The following HLCS variants were observed in gnomAD, a reference collection of about 807,000 sequenced individuals.
The protein encoded by HLCS is biotin--protein ligase.
A neutral mutation model predicts 75.0 loss-of-function variants in HLCS; 53 were observed. That is an observed-to-expected ratio of 0.71 (90% CI 0.57 to 0.89). The LOEUF is 0.89. HLCS is among the 40% of genes least tolerant of loss of function. The probability of loss-of-function intolerance (pLI) is 0.00; values close to 1 mark genes in which losing one functional copy is unlikely to be tolerated. For synonymous variants in HLCS, 431 were observed against 428.6 expected (o/e 1.01, Z -0.07); for missense variants, 966 against 1,074.0 (o/e 0.90, Z 1.41).
At chr21:36,947,048 C>A (rs1448568072) in intron 2 of HLCS, among the ~76,000 whole-genome samples, 1 of 152,116 alleles carries the variant, frequency 6.6e-6, no homozygotes, top group African/African-American at 2.4e-5. Flanking sequence ...GGCAACCTCC[C>A]GCGGGAAGCT....
At chr21:36,831,349 A>G (rs1484677810) in intron 6 of HLCS, among the ~76,000 whole-genome samples, 1 of 152,178 alleles carries the variant, frequency 6.6e-6, no homozygotes, top group Non-Finnish European at 1.5e-5. Flanking sequence ...AGGGTAGCCA[A>G]AGGGAAGGAA....
intron 6 of HLCS, among the ~76,000 whole-genome samples, chr21:36,875,488 A>G (rs1027874461): frequency 1.3e-5 from 2 of 152,168 alleles, no homozygotes; most frequent in African/African-American, 4.8e-5. Context: ...CTGTCTGCAG[A>G]AAGGAGCTAC....
At chr21:36,794,430 G>A (rs2060965032) in intron 6 of HLCS, among the ~76,000 whole-genome samples, 1 of 152,246 alleles carries the variant, frequency 6.6e-6, no homozygotes, top group African/African-American at 2.4e-5. Context: ...ACATGTGACA[G>A]AGGACTATTC....
At chr21:36,894,707 C>T (rs1178303420) in intron 6 of HLCS, among the ~76,000 whole-genome samples, 3 of 152,184 alleles carry the variant, frequency 2.0e-5, no homozygotes, top group Non-Finnish European at 1.5e-5. Context: ...CCTAAACACC[C>T]TCAGAAAGGC....
At chr21:36,776,100 C>A (rs114543309) in intron 6 of HLCS, among the ~76,000 whole-genome samples, 2,349 of 152,278 alleles carry the variant, frequency 0.015, 63 homozygotes, top group African/African-American at 0.053. Context: ...GTTGTAAGGT[C>A]TATAATACTT....
intron 6 of HLCS, among the ~76,000 whole-genome samples, chr21:36,823,315 C>T (rs2061902166): frequency 1.3e-5 from 2 of 152,168 alleles, no homozygotes; most frequent in African/African-American, 4.8e-5. Context: ...GAATTACTCG[C>T]AGTTTGCCGA....
intron 6 of HLCS, among the ~76,000 whole-genome samples, chr21:36,886,149 T>C (rs1172029371): frequency 2.0e-5 from 3 of 151,878 alleles, no homozygotes; most frequent in Admixed American, 2.0e-4. Flanking sequence ...TAGGTGCTGT[T>C]GGCCAGGCAC....
chr21:36,916,448 C>A (rs1327762525), intron 5 of HLCS, among the ~76,000 whole-genome samples: 1 of 151,420 alleles, frequency 6.6e-6, no homozygotes, highest in Non-Finnish European at 1.5e-5. Context: ...AACTCCCGGG[C>A]TCAAGAGAAC....
At chr21:36,840,150 A>G (rs1651838669) in intron 6 of HLCS, among the ~76,000 whole-genome samples, 1 of 152,246 alleles carries the variant, frequency 6.6e-6, no homozygotes, top group Non-Finnish European at 1.5e-5. Flanking sequence ...TTATCCTAGT[A>G]GAAGCTTTAT....
intron 6 of HLCS, among the ~76,000 whole-genome samples, chr21:36,860,728 A>G (rs1473689795): frequency 6.6e-6 from 1 of 152,256 alleles, no homozygotes; most frequent in Non-Finnish European, 1.5e-5. Context: ...TCTAGTTTAG[A>G]CACGGCACAT....
At chr21:36,940,727 A>C (rs1040253661) in intron 2 of HLCS, among the ~76,000 whole-genome samples, 3 of 152,190 alleles carry the variant, frequency 2.0e-5, no homozygotes, top group African/African-American at 7.2e-5. Flanking sequence ...TTGGGTTTCA[A>C]AAGTCATCGT....
chr21:36,765,219 C>T, intron 7 of HLCS, 47 bp from the exon 8 acceptor site: 2 of 1,581,104 alleles, frequency 1.3e-6, no homozygotes, highest in Non-Finnish European at 1.7e-6. Flanking sequence ...GCCACGTGGA[C>T]AGACGCAGAC....
chr21:36,916,004 A>G (rs187926187), intron 5 of HLCS, among the ~76,000 whole-genome samples: 2 of 152,340 alleles, frequency 1.3e-5, no homozygotes, highest in Non-Finnish European at 2.9e-5. Flanking sequence ...AATGTCTACT[A>G]TAAGCAAAAT....
At chr21:36,963,199 GA>G (rs1439537210) in intron 1 of HLCS, among the ~76,000 whole-genome samples, 2 of 152,098 alleles carry the variant, frequency 1.3e-5, no homozygotes, top group Non-Finnish European at 2.9e-5. Flanking sequence ...TTTCTTTCCT[GA>G]AATCTCTCTA....
At chr21:36,939,552 C>T (rs8126740) in intron 2 of HLCS, among the ~76,000 whole-genome samples, 1 of 152,216 alleles carries the variant, frequency 6.6e-6, no homozygotes, top group Non-Finnish European at 1.5e-5. Context: ...TTCCTGCACT[C>T]GAACTGTGAG....
At chr21:36,851,532 G>A (rs889530050) in intron 6 of HLCS, among the ~76,000 whole-genome samples, 1 of 152,172 alleles carries the variant, frequency 6.6e-6, no homozygotes, top group African/African-American at 2.4e-5. Context: ...AGGGTAGTGG[G>A]GGGCAGGGAG....
rs1231516931 is a variant in HLCS, at chr21:36,750,888, T to C, written c.*3358A>G. The C allele has an allele frequency of 2.0e-5, 3 of 152,014 alleles. No homozygotes were observed. Among genetic ancestry groups the C allele is most frequent in the Non-Finnish European group, 4.4e-5 (3 of 68,022 alleles). The allele number at this position is 152,014 out of a possible 1,614,324, so 9.4% of individuals were successfully genotyped here. A position where few individuals can be genotyped will look rare whatever the true frequency, so the allele number is the denominator to read the frequency against. On this transcript the variant is annotated 3_prime_UTR_variant, in exon 11 of 11. Coordinates refer to ENST00000674895, the MANE Select transcript of HLCS (RefSeq NM_001352514.2). ...AGAAAAATCCTAAAAACAATCTAGC[T>C]GTTGTTACATTAAATTTATTTCTCA...
At chr21:36,816,811 C>T (rs1314705661) in intron 6 of HLCS, among the ~76,000 whole-genome samples, 1 of 152,220 alleles carries the variant, frequency 6.6e-6, no homozygotes, top group African/African-American at 2.4e-5. Flanking sequence ...AGTAAGTCCT[C>T]CCTGCTTCTT....
At position 36,811,242 on chromosome 21, in the gene HLCS, C is replaced by T. The variant is rs140401933; in HGVS notation, c.1893-43957G>A. Among the ~76,000 whole-genome samples the T allele has an allele frequency of 3.9e-5, 6 of 152,316 alleles. No homozygotes were observed. The East Asian group carries it at 1.2e-3, about 29-fold the overall frequency. On this transcript the variant is annotated intron_variant, in intron 6 of 10. Transcript: ENST00000674895. ...TCATTCACTGGATTCTACCCAGAAACAGCACACTTTCACCCTTTCATGGTA... is the reference window on the plus strand; with the variant it reads ...TCATTCACTGGATTCTACCCAGAAATAGCACACTTTCACCCTTTCATGGTA...
Sources: allele counts gnomAD v4.1 joint callset (sites outside exome capture counted in the v4.1 genomes callset), GRCh38; gene constraint gnomAD v4.1.1; transcripts MANE v1.5; gene names NCBI Gene and HGNC (gene_info 2026-07-23, HGNC 2026-07-21).